ARHGAP32: variants seen among roughly 807,000 people sequenced by gnomAD.
The protein encoded by ARHGAP32 is rho GTPase-activating protein 32.
ARHGAP32 carries 51 observed loss-of-function variants against 186.5 expected under a neutral mutation model. The observed-to-expected ratio is 0.27, with a 90% CI of 0.22 to 0.35. The LOEUF (loss-of-function observed/expected upper bound fraction) is 0.35, where lower values mean the gene tolerates loss of function less well. ARHGAP32 is among the 10% of genes least tolerant of loss of function. The pLI, the probability that ARHGAP32 is intolerant of heterozygous loss-of-function variation, is 1.00. For missense variants in ARHGAP32, 2,186 were observed against 2,623.5 expected, an observed-to-expected ratio of 0.83 and a Z score of 3.64; for synonymous variants, 950 against 964.3, an observed-to-expected ratio of 0.99 and a Z score of 0.27.
chr11:129,017,372 T>C (rs1938400687), intron 11 of ARHGAP32, among the ~76,000 whole-genome samples: 2 of 147,936 alleles, frequency 1.4e-5, no homozygotes, highest in Non-Finnish European at 3.0e-5. Context: ...CATTTGAACC[T>C]GGAGGCGGAG....
chr11:129,075,056 GA>G (rs1338988993), intron 6 of ARHGAP32, among the ~76,000 whole-genome samples: 3 of 151,520 alleles, frequency 2.0e-5, no homozygotes, highest in Non-Finnish European at 4.4e-5. Flanking sequence ...AATAAAGTTG[GA>G]AAAAAACACA....
chr11:129,239,038 C>T (rs189193145), intron 1 of ARHGAP32, among the ~76,000 whole-genome samples: 101 of 152,018 alleles, frequency 6.6e-4, no homozygotes, highest in South Asian at 5.4e-3. Context: ...TTTATACAGA[C>T]GACGTTTCAC....
At chr11:129,264,875 T>C (rs1333157999) in intron 1 of ARHGAP32, among the ~76,000 whole-genome samples, 1 of 152,202 alleles carries the variant, frequency 6.6e-6, no homozygotes, top group Non-Finnish European at 1.5e-5. Flanking sequence ...TGAGCAACCA[T>C]TCCTTCAAAT....
intron 19 of ARHGAP32, among the ~76,000 whole-genome samples, chr11:128,977,075 T>A (rs1375276514): frequency 6.6e-6 from 1 of 152,102 alleles, no homozygotes; most frequent in African/African-American, 2.4e-5. Flanking sequence ...CTGCCACACA[T>A]CAAGGAATGC....
intron 1 of ARHGAP32, among the ~76,000 whole-genome samples, chr11:129,171,501 G>A (rs903033174): frequency 3.9e-5 from 6 of 152,094 alleles, no homozygotes; most frequent in Admixed American, 1.3e-4. Flanking sequence ...TGTTATTTCC[G>A]AGGTCTCTGT....
chr11:129,063,823 G>A, intron 9 of ARHGAP32, 79 bp downstream of exon 9: 1 of 1,397,154 alleles, frequency 7.2e-7, no homozygotes, highest in Admixed American at 2.6e-5. Flanking sequence ...AAAAATTAAG[G>A]AAATGGTTAA....
In ARHGAP32 at chr11:129,032,335, C is replaced by A. The variant is rs139291931; in HGVS notation, c.1045+8593G>T. Among the ~76,000 whole-genome samples, 36 of 152,336 alleles carry A rather than the reference C, an allele frequency of 2.4e-4. No individual in the cohort carries two copies. In the East Asian group the frequency reaches 2.7e-3, roughly 11 times the overall value. Reference sequence around the variant, plus strand: ...CCTTGCCTCTGCACCCACTCACCTGCGTGCTGCCCCTGAGCTTTGAATCCT... The same window carrying A: ...CCTTGCCTCTGCACCCACTCACCTGAGTGCTGCCCCTGAGCTTTGAATCCT... On this transcript the variant is annotated intron_variant, in intron 11 of 22. Transcript: ENST00000682385.
chr11:129,186,765 C>T (rs1327195059), intron 1 of ARHGAP32, among the ~76,000 whole-genome samples: 1 of 152,136 alleles, frequency 6.6e-6, no homozygotes, highest in Non-Finnish European at 1.5e-5. Context: ...GGAAAAAGTG[C>T]TCAACATCAC....
At chr11:129,109,151 T>A (rs1462759606) in intron 5 of ARHGAP32, among the ~76,000 whole-genome samples, 2 of 152,160 alleles carry the variant, frequency 1.3e-5, no homozygotes, top group East Asian at 3.8e-4. Context: ...GAATATGCAA[T>A]ATTTGTCTTT....
chr11:129,031,928 G>T (rs575113260), intron 11 of ARHGAP32, among the ~76,000 whole-genome samples: 1 of 152,248 alleles, frequency 6.6e-6, no homozygotes, highest in Non-Finnish European at 1.5e-5. Flanking sequence ...AGGGCTCGAC[G>T]GCAGGACTTC....
intron 6 of ARHGAP32, among the ~76,000 whole-genome samples, chr11:129,077,273 C>G (rs475179): frequency 0.73 from 110,843 of 152,032 alleles, 40,901 homozygotes; most frequent in South Asian, 0.84. Flanking sequence ...AATTTTCCTA[C>G]GCAGAATCCA....
Position 129,199,608 on chromosome 11 carries a change from T to G in ARHGAP32, c.-4-35181A>C, listed in dbSNP as rs1407839661. Among the ~76,000 whole-genome samples, 4 of 152,214 alleles carry G rather than the reference T, an allele frequency of 2.6e-5. No individual in the cohort carries two copies. The East Asian group carries it at 7.7e-4, about 29-fold the overall frequency. ...GAGGTTTGGGAACCTCTACCTAGAT[T>G]TCAGAGGATGTATGAAAACACCTAG... On this transcript the variant is annotated intron_variant, in intron 1 of 6. Transcript: ENST00000525234.
At chr11:129,044,246 G>A (rs1290129218) in intron 10 of ARHGAP32, among the ~76,000 whole-genome samples, 2 of 152,128 alleles carry the variant, frequency 1.3e-5, no homozygotes, top group Non-Finnish European at 2.9e-5. Context: ...AAATGGGCTA[G>A]TATAAATAAA....
intron 1 of ARHGAP32, among the ~76,000 whole-genome samples, chr11:129,231,331 A>C (rs1190945754): frequency 7.2e-5 from 11 of 152,242 alleles, no homozygotes; most frequent in African/African-American, 2.6e-4. Flanking sequence ...GTACAGACGC[A>C]CTTTTTTGTT....
intron 1 of ARHGAP32, among the ~76,000 whole-genome samples, chr11:129,269,004 C>T: frequency 6.6e-6 from 1 of 152,194 alleles, no homozygotes; most frequent in South Asian, 2.1e-4. Flanking sequence ...GGCACAGTGG[C>T]TCATGCCTAT....
chr11:128,995,066 T>C (rs967676881), intron 12 of ARHGAP32, among the ~76,000 whole-genome samples: 10 of 151,882 alleles, frequency 6.6e-5, no homozygotes, highest in Non-Finnish European at 1.5e-4. Flanking sequence ...GCAAGACAAC[T>C]AAGAAAAAAA....
chr11:129,085,810 G>T (rs1304139644), intron 6 of ARHGAP32, among the ~76,000 whole-genome samples: 1 of 151,890 alleles, frequency 6.6e-6, no homozygotes, highest in Non-Finnish European at 1.5e-5. Flanking sequence ...TGGCTAACAT[G>T]GTGAAACCCT....
At chr11:129,279,147 G>GAGCCCCGC (rs965478577) in exon 1 of ARHGAP32, 6 of 141,918 alleles carry the variant, frequency 4.2e-5, no homozygotes, top group African/African-American at 1.5e-4. Context: ...CCGCCTTACC[G>GAGCCCCGC]AGCCCCGCGG....
chr11:129,000,685 C>G (rs557266908), intron 11 of ARHGAP32, among the ~76,000 whole-genome samples: 9 of 152,116 alleles, frequency 5.9e-5, no homozygotes, highest in African/African-American at 2.2e-4. Context: ...CTGTAGTCAG[C>G]CTGTTGTGCT....
Sources: allele counts gnomAD v4.1 joint callset (sites outside exome capture counted in the v4.1 genomes callset), GRCh38; gene constraint gnomAD v4.1.1; transcripts MANE v1.5; gene names NCBI Gene and HGNC (gene_info 2026-07-23, HGNC 2026-07-21).